SFPQ: variants seen among roughly 807,000 people sequenced by gnomAD.
SFPQ encodes splicing factor, proline- and glutamine-rich.
SFPQ carries 11 observed loss-of-function variants against 72.9 expected under a neutral mutation model. The observed-to-expected ratio is 0.15, with a 90% CI of 0.09 to 0.25. The LOEUF is 0.25. SFPQ is among the 10% of genes least tolerant of loss of function. SFPQ has a pLI of 1.00. For synonymous variants in SFPQ, 506 were observed against 367.3 expected, an observed-to-expected ratio of 1.38 and a Z score of -4.32; for missense variants, 847 against 993.3, an observed-to-expected ratio of 0.85 and a Z score of 1.98.
intron 9 of SFPQ, among the ~76,000 whole-genome samples, chr1:35,185,215 A>G (rs1475853197): frequency 6.6e-6 from 1 of 152,248 alleles, no homozygotes; most frequent in Non-Finnish European, 1.5e-5. Flanking sequence ...CAGTAACTTG[A>G]TCAAAAAAAC....
Position 35,184,388 on chromosome 1 carries a change from A to G in SFPQ, c.*68T>C. The G allele has an allele frequency of 6.4e-7, 1 of 1,571,208 alleles. No homozygotes were observed. The highest frequency in any genetic ancestry group is 2.3e-5 in the East Asian group (1 of 43,332). ...AAGATAGCTTTCTTACTAAAATGCA[A>G]GAATTTAAAAGATTGGTATCTAAAC... On this transcript the variant is annotated 3_prime_UTR_variant, in exon 10 of 10. Transcript: ENST00000357214.
chr1:35,184,395 A>T lies in SFPQ; in HGVS notation c.*61T>A, dbSNP rs565451246. 7.0e-6 allele frequency: 11 copies of T among 1,579,350 alleles called. No individual in the cohort carries two copies. In the East Asian group the frequency reaches 2.5e-4, roughly 36 times the overall value. ...CTTTCTTACTAAAATGCAAGAATTT[A>T]AAAGATTGGTATCTAAACAAAAAAA... is the stretch of plus-strand genomic sequence containing the variant. On this transcript the variant is annotated 3_prime_UTR_variant, in exon 10 of 10. Coordinates refer to ENST00000357214, the MANE Select transcript of SFPQ (RefSeq NM_005066.3).
chr1:35,184,016 A>G lies in SFPQ; in HGVS notation c.*440T>C. 2 of 1,057,496 alleles carry G rather than the reference A, an allele frequency of 1.9e-6. No individual in the cohort carries two copies. The highest frequency in any genetic ancestry group is 2.3e-6 in the Non-Finnish European group (2 of 874,260). 65.5% of individuals were successfully genotyped at this position (1,057,496 alleles called of 1,614,324 possible). A position where few individuals can be genotyped will look rare whatever the true frequency, so the allele number is the denominator to read the frequency against. On this transcript the variant is annotated 3_prime_UTR_variant, in exon 10 of 10. Transcript: ENST00000357214. ...CTTAGCCTCCAGATGCATTTCCCAGAAATGGCATATGCCATTCAAAGGCCT... is the reference window on the plus strand; with the variant it reads ...CTTAGCCTCCAGATGCATTTCCCAGGAATGGCATATGCCATTCAAAGGCCT...
rs1190538377 is a variant in SFPQ, at chr1:35,183,950, CTTTT to C, written c.*502_*505del. ...CAAACTACTTCAATATGCATTTCTT[CTTTT>C]TAAAACAAAGGGGGCAATTATTTGT... On this transcript the variant is annotated 3_prime_UTR_variant, in exon 10 of 10. Coordinates refer to ENST00000357214, the MANE Select transcript of SFPQ (RefSeq NM_005066.3). The C allele has an allele frequency of 2.9e-6, 3 of 1,050,836 alleles. No homozygotes were observed. In the East Asian group the frequency reaches 1.7e-4, roughly 58 times the overall value. 65.1% of individuals were successfully genotyped at this position (1,050,836 alleles called of 1,614,324 possible). A position where few individuals can be genotyped will look rare whatever the true frequency, so the allele number is the denominator to read the frequency against.
chr1:35,178,829 T>G, downstream of SFPQ: 1 of 1,051,830 alleles, frequency 9.5e-7, no homozygotes, highest in Non-Finnish European at 1.1e-6. Context: ...TCGTTTTGCA[T>G]TCTTCCCCCC....
chr1:35,188,133 T>A, intron 6 of SFPQ, 43 bp from the exon 7 acceptor site: 1 of 1,401,032 alleles, frequency 7.1e-7, no homozygotes, highest in Non-Finnish European at 1.0e-6. Context: ...GTTATCCACA[T>A]CTTTTAGAAT....
chr1:35,192,458 G>A lies in SFPQ; in HGVS notation c.592C>T (p.Pro198Ser), dbSNP rs1158806978. The part of the protein sequence containing the change: ...PAAVPGPGPG[P>S]KQGPGPGGPK... ...CCACCCGGACCTGGGCCCTGCTTAG[G>A]CCCTGGACCCGGGCCCGGGACTGCC... Residue 198 changes from proline to serine, a missense_variant, in exon 1 of 10, where the codon CCT becomes TCT. By Grantham distance (74) the Pro-to-Ser change is moderately conservative. This residue lies in a region of SFPQ where 498 missense variants were observed against 405.1 expected (regional missense o/e 1.23). Transcript: ENST00000357214. The A allele has an allele frequency of 1.3e-5, 17 of 1,358,750 alleles. 1 individual carries two copies. In the South Asian group the frequency reaches 2.7e-4, roughly 21 times the overall value. The allele number at this position is 1,358,750 out of a possible 1,614,324, so 84.2% of individuals were successfully genotyped here.
At chr1:35,178,838 C>T (rs897865771), downstream of SFPQ, 2 of 1,052,500 alleles carry the variant, frequency 1.9e-6, no homozygotes, top group Admixed American at 5.5e-5. Context: ...ATTCTTCCCC[C>T]CATTCTCCAC....
At chr1:35,186,198 C>T (rs1249433391) in intron 9 of SFPQ, among the ~76,000 whole-genome samples, 2 of 152,112 alleles carry the variant, frequency 1.3e-5, no homozygotes, top group African/African-American at 2.4e-5. Context: ...CTGTAGTGAA[C>T]TCATCACATT....
chr1:35,186,976 T>A, intron 9 of SFPQ, 25 bp downstream of exon 9: 1 of 1,598,110 alleles, frequency 6.3e-7, no homozygotes, highest in Non-Finnish European at 8.5e-7. Flanking sequence ...ATTTCCTTGG[T>A]ACTACGTCCC....
chr1:35,180,393 CT>C, downstream of SFPQ: 1 of 1,042,688 alleles, frequency 9.6e-7, no homozygotes, highest in Non-Finnish European at 1.2e-6. Flanking sequence ...ATTCAAAAAG[CT>C]ACTCTGAACA....
At chr1:35,191,171 G>A (rs994778900) in intron 2 of SFPQ, among the ~76,000 whole-genome samples, 170 bp downstream of exon 2, 3 of 152,044 alleles carry the variant, frequency 2.0e-5, no homozygotes, top group South Asian at 2.1e-4. Context: ...TTTCTCTTAG[G>A]TAGCAACAAT....
chr1:35,184,270 A>T lies in SFPQ; in HGVS notation c.*186T>A. The T allele has an allele frequency of 7.3e-7, 1 of 1,362,310 alleles. No individual in the cohort carries two copies. Among genetic ancestry groups the T allele is most frequent in the Non-Finnish European group, 9.4e-7 (1 of 1,066,514 alleles). The allele number at this position is 1,362,310 out of a possible 1,614,324, so 84.4% of individuals were successfully genotyped here. On this transcript the variant is annotated 3_prime_UTR_variant, in exon 10 of 10. Coordinates refer to ENST00000357214, the MANE Select transcript of SFPQ (RefSeq NM_005066.3). ...ATAAAGAAATAAAAAGGAAAAAAAAATTCTCCTGTTCCAAACACTGCATTA... is the reference window on the plus strand; with the variant it reads ...ATAAAGAAATAAAAAGGAAAAAAAATTTCTCCTGTTCCAAACACTGCATTA...
chr1:35,178,859 C>G, downstream of SFPQ: 1 of 1,045,930 alleles, frequency 9.6e-7, no homozygotes, highest in Non-Finnish European at 1.2e-6. Flanking sequence ...ATTGTCCTAT[C>G]TTAAGTCCAA....
chr1:35,192,363 G>C lies in SFPQ; in HGVS notation c.687C>G (p.Gly229=). 2.2e-6 allele frequency: 3 copies of C among 1,388,038 alleles called. No homozygotes were observed. The highest frequency in any genetic ancestry group is 2.8e-6 in the Non-Finnish European group (3 of 1,083,814). 86.0% of individuals were successfully genotyped at this position (1,388,038 alleles called of 1,614,324 possible). ...CGCCTCGATGCGGCGGCTTGGGGTG[G>C]CCGCCAGGCGTACTTAGGCCCGGGC... ...GGGPGLSTPG[G]HPKPPHRGGG... is the part of the protein sequence containing the mutation. The change falls in exon 1 of 10, where the codon GGC becomes GGG. Residue 229 remains glycine, a synonymous_variant. Coordinates refer to ENST00000357214, the MANE Select transcript of SFPQ (RefSeq NM_005066.3).
chr1:35,180,571 C>G (rs1639425747), downstream of SFPQ: 1 of 1,049,570 alleles, frequency 9.5e-7, no homozygotes, highest in Non-Finnish European at 1.2e-6. Flanking sequence ...AGATTCCCAT[C>G]TAAGCCCAAG....
chr1:35,179,900 T>G (rs1007403000), downstream of SFPQ: 3 of 1,054,832 alleles, frequency 2.8e-6, no homozygotes, highest in Non-Finnish European at 3.4e-6. Flanking sequence ...CCATCAGGGT[T>G]CTATGTAATT....
chr1:35,180,788 A>G (rs1412315784), downstream of SFPQ: 1 of 1,062,670 alleles, frequency 9.4e-7, no homozygotes, highest in East Asian at 5.1e-5. Flanking sequence ...CAAGGTGCTA[A>G]AAGCACCCTA....
exon 6 of SFPQ, chr1:35,176,450 T>A (rs1557773347): frequency 6.6e-6 from 1 of 152,178 alleles, no homozygotes; most frequent in East Asian, 1.9e-4. Flanking sequence ...TCGTTGGTTT[T>A]CTGGACACAG....
Sources: allele counts gnomAD v4.1 joint callset (sites outside exome capture counted in the v4.1 genomes callset), GRCh38; gene constraint gnomAD v4.1.1; regional missense constraint gnomAD v4.1.1; transcripts MANE v1.5; gene names NCBI Gene and HGNC (gene_info 2026-07-23, HGNC 2026-07-21).